The following CAMK1G variants were observed in gnomAD, a reference collection of about 807,000 sequenced individuals.
The protein encoded by CAMK1G is calcium/calmodulin-dependent protein kinase type 1G.
A neutral mutation model predicts 54.8 loss-of-function variants in CAMK1G; 27 were observed. The ratio of observed to expected loss-of-function variants is 0.49; its 90% confidence interval spans 0.36 to 0.68. The LOEUF (loss-of-function observed/expected upper bound fraction) is 0.68. Ranked by LOEUF, CAMK1G falls within the 30% of genes least tolerant of loss-of-function variation. CAMK1G has a pLI of 0.00. For synonymous variants in CAMK1G, 238 were observed against 224.9 expected (o/e 1.06, Z -0.52); for missense variants, 512 against 591.0 (o/e 0.87, Z 1.39).
intron 9 of CAMK1G, among the ~76,000 whole-genome samples, chr1:209,610,723 A>AT (rs1665760409): frequency 6.6e-6 from 1 of 152,132 alleles, no homozygotes; most frequent in Non-Finnish European, 1.5e-5. Flanking sequence ...AGTTCTCTTT[A>AT]TTAATCACAC....
chr1:209,609,846 C>T lies in CAMK1G; in HGVS notation c.749-5C>T, dbSNP rs1244856626. On this transcript the variant is annotated splice_polypyrimidine_tract_variant and splice_region_variant and intron_variant, in intron 8 of 12. Transcript: ENST00000361322. ...AGTCGTCGTGTCTTTGATTACTCCC[C>T]TTAGCCAAGGACTTTATTTGCCACT... 6.2e-7 allele frequency: 1 copy of T among 1,614,030 alleles called. No individual in the cohort carries two copies. Among genetic ancestry groups the T allele is most frequent in the East Asian group, 2.2e-5 (1 of 44,890 alleles).
Position 209,605,596 on chromosome 1 carries a change from T to C in CAMK1G, c.357T>C (p.Asp119=). Residue 119 remains aspartate (D), a synonymous_variant, in exon 5 of 13, where the codon GAT becomes GAC. Coordinates refer to ENST00000361322, the MANE Select transcript of CAMK1G (RefSeq NM_020439.3). Reference sequence around the variant, plus strand: ...AGCGGGGTGTCTACACAGAGAAGGATGCCAGTCTGGTGATCCAGCAGGTCT... The same window carrying C: ...AGCGGGGTGTCTACACAGAGAAGGACGCCAGTCTGGTGATCCAGCAGGTCT... ...ILERGVYTEK[D]ASLVIQQVLS... 6.2e-7 allele frequency: 1 copy of C among 1,614,182 alleles called. No individual in the cohort carries two copies. Among genetic ancestry groups the C allele is most frequent in the Non-Finnish European group, 8.5e-7 (1 of 1,180,012 alleles).
At chr1:209,603,419 G>A (rs1665574411) in intron 4 of CAMK1G, 131 bp downstream of exon 4, 1 of 695,878 alleles carries the variant, frequency 1.4e-6, no homozygotes, top group Admixed American at 2.6e-5. Flanking sequence ...AGGAGGCTCA[G>A]AAATGCCAAG....
Position 209,613,028 on chromosome 1 carries a change from T to G in CAMK1G, c.*38-12T>G. On this transcript the variant is annotated splice_polypyrimidine_tract_variant and intron_variant, in intron 12 of 12. Coordinates refer to ENST00000361322, the MANE Select transcript of CAMK1G (RefSeq NM_020439.3). ...CAACCCCCTCCTCACTCTGAGCCCC[T>G]TTCTCTTGCAGGAGACATATTCAAC... The G allele has an allele frequency of 5.0e-6, 3 of 597,548 alleles. No individual in the cohort carries two copies. The highest frequency in any genetic ancestry group is 9.1e-6 in the Non-Finnish European group (3 of 331,202). 37.0% of individuals were successfully genotyped at this position (597,548 alleles called of 1,614,324 possible).
chr1:209,609,815 G>C, intron 8 of CAMK1G, 36 bp from the exon 9 acceptor site: 1 of 1,607,638 alleles, frequency 6.2e-7, no homozygotes, highest in Non-Finnish European at 8.5e-7. Context: ...ATGAAATCTG[G>C]TCCTTAGTCG....
chr1:209,612,671 T>A, intron 11 of CAMK1G, 114 bp from the exon 12 acceptor site: 1 of 806,850 alleles, frequency 1.2e-6, no homozygotes, highest in East Asian at 2.5e-5. Flanking sequence ...CTGAACCTCA[T>A]GAGGGGAGAG....
intron 1 of CAMK1G, among the ~76,000 whole-genome samples, chr1:209,592,746 CA>C (rs748863773): frequency 1.3e-5 from 2 of 152,162 alleles, no homozygotes; most frequent in Non-Finnish European, 2.9e-5. Context: ...CTACTTGGAC[CA>C]AAAGTATCCA....
Position 209,612,926 on chromosome 1 carries a change from C to G in CAMK1G, c.*37+14C>G. The stretch of plus-strand genomic sequence containing the variant: ...TGCAATTTTCAGGTTAGGAGGGTCA[C>G]AGTGTGAGGCTTGGGGAGAGTTTCT... On this transcript the variant is annotated intron_variant, in intron 12 of 12. Coordinates refer to ENST00000361322, the MANE Select transcript of CAMK1G (RefSeq NM_020439.3). 7.9e-7 allele frequency: 1 copy of G among 1,260,218 alleles called. No homozygotes were observed. Among genetic ancestry groups the G allele is most frequent in the South Asian group, 1.2e-5 (1 of 84,056 alleles). The allele number at this position is 1,260,218 out of a possible 1,614,324, so 78.1% of individuals were successfully genotyped here.
intron 1 of CAMK1G, among the ~76,000 whole-genome samples, chr1:209,589,561 G>A (rs182134434): frequency 7.9e-5 from 12 of 152,184 alleles, no homozygotes; most frequent in African/African-American, 2.2e-4. Context: ...TCCACAATGC[G>A]CTCCCCAATC....
intron 5 of CAMK1G, 114 bp from the exon 6 acceptor site, chr1:209,606,205 TG>T: frequency 7.5e-7 from 1 of 1,334,044 alleles, no homozygotes; most frequent in Non-Finnish European, 1.0e-6. Flanking sequence ...GAGGATGAGC[TG>T]GCCTTGAAGT....
intron 1 of CAMK1G, chr1:209,584,067 T>C (rs149142368): frequency 6.6e-6 from 1 of 152,398 alleles, no homozygotes; most frequent in Non-Finnish European, 1.5e-5. Context: ...AATATCTTCA[T>C]GTGCCCCTCC....
chr1:209,605,682 G>A lies in CAMK1G; in HGVS notation c.435+8G>A. The A allele has an allele frequency of 2.5e-6, 4 of 1,612,032 alleles. No homozygotes were observed. Among genetic ancestry groups the A allele is most frequent in the Non-Finnish European group, 2.5e-6 (3 of 1,179,426 alleles). On this transcript the variant is annotated splice_region_variant and intron_variant, in intron 5 of 12. Coordinates refer to ENST00000361322, the MANE Select transcript of CAMK1G (RefSeq NM_020439.3). The stretch of plus-strand genomic sequence containing the variant: ...GTCCACAGAGACTTAAAGGTGTCAA[G>A]GCGGGAGTCCTGGGTGGGAAACAGA...
At chr1:209,584,012 T>C (rs1418434475) in intron 1 of CAMK1G, 1 of 152,242 alleles carries the variant, frequency 6.6e-6, no homozygotes, top group African/African-American at 2.4e-5. Flanking sequence ...CTGGGCTGGC[T>C]TTCATGGAAG....
At chr1:209,606,517 G>T in intron 6 of CAMK1G, 74 bp downstream of exon 6, 1 of 1,532,904 alleles carries the variant, frequency 6.5e-7, no homozygotes, top group Non-Finnish European at 8.9e-7. Context: ...ATAGAAAGGG[G>T]TGATTCTGAG....
intron 1 of CAMK1G, among the ~76,000 whole-genome samples, chr1:209,585,983 C>G (rs1221040150): frequency 6.6e-6 from 1 of 152,232 alleles, no homozygotes; most frequent in Non-Finnish European, 1.5e-5. Flanking sequence ...CAAACTGAAG[C>G]AGGCAGGGGA....
At position 209,603,214 on chromosome 1, in the gene CAMK1G, G is replaced by A; in HGVS notation, c.222G>A (p.Lys74=). 1.9e-6 allele frequency: 3 copies of A among 1,614,066 alleles called. No individual in the cohort carries two copies. The highest frequency in any genetic ancestry group is 2.5e-6 in the Non-Finnish European group (3 of 1,179,972). ...TCATCATGCACTTTATTTTTCCCAG[G>A]ATCAAGCATGAAAACATTGTGACCC... ...SLENEIAVLK[K]IKHENIVTLE... is the part of the protein sequence containing the mutation. Residue 74 remains lysine, a splice_region_variant and synonymous_variant, in exon 4 of 13, where the codon AAG becomes AAA. Coordinates refer to ENST00000361322, the MANE Select transcript of CAMK1G (RefSeq NM_020439.3).
At chr1:209,611,346 G>T (rs998679507) in intron 9 of CAMK1G, 119 bp from the exon 10 acceptor site, 7 of 804,062 alleles carry the variant, frequency 8.7e-6, no homozygotes, top group African/African-American at 5.2e-5. Flanking sequence ...CCTGCTGTGG[G>T]CTGTCTTTCC....
intron 3 of CAMK1G, 112 bp downstream of exon 3, chr1:209,600,223 TTTGA>T (rs1395217936): frequency 2.4e-6 from 3 of 1,270,332 alleles, no homozygotes; most frequent in African/African-American, 3.0e-5. Context: ...CATTGCTCAC[TTTGA>T]TTGAGTTGAT....
intron 2 of CAMK1G, among the ~76,000 whole-genome samples, chr1:209,596,836 T>G (rs1275456218): frequency 6.6e-6 from 1 of 152,182 alleles, no homozygotes; most frequent in African/African-American, 2.4e-5. Context: ...CTCAAGAAAG[T>G]GAACAACAAT....
Sources: gnomAD v4.1 joint callset for allele counts (sites outside exome capture counted in the v4.1 genomes callset) on GRCh38, gnomAD v4.1.1 for gene constraint, MANE v1.5 for transcripts, NCBI Gene and HGNC (gene_info 2026-07-23, HGNC 2026-07-21) for gene names.